Variants in AHCYL2 observed in about 807,000 individuals in gnomAD.
The protein encoded by AHCYL2 is adenosylhomocysteinase like 2, also known as S-adenosylhomocysteine hydrolase-like protein 2.
A neutral mutation model predicts 81.4 loss-of-function variants in AHCYL2; 28 were observed. The observed-to-expected ratio is 0.34, with a 90% CI of 0.25 to 0.47. The LOEUF is 0.47. Ranked by LOEUF, AHCYL2 falls within the 20% of genes least tolerant of loss-of-function variation. The probability of loss-of-function intolerance (pLI) is 1.00; values close to 1 mark genes in which losing one functional copy is unlikely to be tolerated. For synonymous variants in AHCYL2, 272 were observed against 290.2 expected, an observed-to-expected ratio of 0.94 and a Z score of 0.64; for missense variants, 551 against 785.1, an observed-to-expected ratio of 0.70 and a Z score of 3.56.
Position 129,426,619 on chromosome 7 carries a change from C to T in AHCYL2, c.1829+56C>T, listed in dbSNP as rs1797376928. 1 of 1,582,938 alleles carries T rather than the reference C, an allele frequency of 6.3e-7. No individual in the cohort carries two copies. The highest frequency in any genetic ancestry group is 2.2e-5 in the East Asian group (1 of 44,712). Reference sequence around the variant, plus strand: ...CCTGGGCAGTGATGAGCTTCCTGCACTGGAATTGGTCTTTGCATCCCCAAC... The same window carrying T: ...CCTGGGCAGTGATGAGCTTCCTGCATTGGAATTGGTCTTTGCATCCCCAAC... On this transcript the variant is annotated intron_variant, in intron 16 of 16. Coordinates refer to ENST00000325006, the MANE Select transcript of AHCYL2 (RefSeq NM_015328.4). This position sits in a 1 kb window ranked among gnomAD's most constrained non-coding sequence, Gnocchi z 4.3.
chr7:129,430,043 A>G lies in AHCYL2; in HGVS notation c.*2998A>G, dbSNP rs1167620696. 6.6e-6 allele frequency: 1 copy of G among 151,178 alleles called. No individual in the cohort carries two copies. Among genetic ancestry groups the G allele is most frequent in the Non-Finnish European group, 1.5e-5 (1 of 67,786 alleles). The allele number at this position is 151,178 out of a possible 1,614,324, so 9.4% of individuals were successfully genotyped here. ...TACATATATATATATATATCTATAT[A>G]TCTATATACGTAATCATCTAGTTCT... On this transcript the variant is annotated 3_prime_UTR_variant, in exon 17 of 17. Coordinates refer to ENST00000325006, the MANE Select transcript of AHCYL2 (RefSeq NM_015328.4).
At chr7:129,314,580 A>G (rs1797770086) in intron 1 of AHCYL2, among the ~76,000 whole-genome samples, 1 of 152,224 alleles carries the variant, frequency 6.6e-6, no homozygotes, top group African/African-American at 2.4e-5. Context: ...ATGTCCTTGC[A>G]TAGTGGAAGG....
chr7:129,352,109 T>C (rs1793588098), intron 1 of AHCYL2, among the ~76,000 whole-genome samples: 1 of 152,156 alleles, frequency 6.6e-6, no homozygotes, highest in South Asian at 2.1e-4. Flanking sequence ...ATATAATGGT[T>C]GTCTTGAGGG....
Position 129,232,060 on chromosome 7 carries a change from C to T in AHCYL2, c.363+6621C>T, listed in dbSNP as rs948003841. 1.1e-4 allele frequency among the ~76,000 whole-genome samples: 17 copies of T among 152,176 alleles called. No homozygotes were observed. In the South Asian group the frequency reaches 3.1e-3, roughly 28 times the overall value. On this transcript the variant is annotated intron_variant, in intron 1 of 16. Coordinates refer to ENST00000325006, the MANE Select transcript of AHCYL2 (RefSeq NM_015328.4). Reference sequence around the variant, plus strand: ...TGATTGAGTTTCTCTGAGTATAGGACTTTAGCCTTTCTGAATGTTGCAAAC... The same window carrying T: ...TGATTGAGTTTCTCTGAGTATAGGATTTTAGCCTTTCTGAATGTTGCAAAC...
At chr7:129,340,408 A>T (rs926719874) in intron 1 of AHCYL2, among the ~76,000 whole-genome samples, 1 of 151,678 alleles carries the variant, frequency 6.6e-6, no homozygotes, top group African/African-American at 2.4e-5. Flanking sequence ...TCTACTAAAA[A>T]TACAAAAAAA....
Position 129,225,163 on chromosome 7 carries a change from G to T in AHCYL2, c.87G>T (p.Ser29=). The change falls in exon 1 of 17, where the codon TCG becomes TCT. Residue 29 remains serine, a synonymous_variant. Transcript: ENST00000325006. ...ACCTGAGCCCCTCCGAGGCGGAGTC[G>T]CAACTAGGACTGAGCACGGCCGCCG... ...LKDLSPSEAE[S]QLGLSTAAVG... The T allele has an allele frequency of 1.9e-6, 3 of 1,596,964 alleles. No homozygotes were observed. The highest frequency in any genetic ancestry group is 1.7e-6 in the Non-Finnish European group (2 of 1,174,190).
intron 1 of AHCYL2, among the ~76,000 whole-genome samples, chr7:129,321,743 G>GTTTTTTTTTTT: frequency 1.3e-3 from 101 of 77,576 alleles, no homozygotes; most frequent in Middle Eastern, 9.6e-3. Flanking sequence ...TTCTTTCTTT[G>GTTTTTTTTTTT]TTTTTTTTTT....
chr7:129,234,475 C>T (rs974400425), intron 1 of AHCYL2, among the ~76,000 whole-genome samples: 38 of 152,118 alleles, frequency 2.5e-4, no homozygotes, highest in African/African-American at 8.5e-4. Flanking sequence ...GAACTCCTGA[C>T]CTTGTGATCT....
intron 1 of AHCYL2, among the ~76,000 whole-genome samples, chr7:129,230,079 C>CTTT (rs35056717): frequency 3.0e-3 from 331 of 109,392 alleles, no homozygotes; most frequent in African/African-American, 4.3e-3. Context: ...TTATTTAATT[C>CTTT]TTTTTTTTTT....
intron 12 of AHCYL2, among the ~76,000 whole-genome samples, 156 bp from the exon 13 acceptor site, chr7:129,422,684 A>G (rs921177855): frequency 2.6e-5 from 4 of 152,190 alleles, no homozygotes; most frequent in African/African-American, 7.2e-5. Context: ...ATTCCCTGAA[A>G]TGGAACAGTC....
intron 1 of AHCYL2, among the ~76,000 whole-genome samples, chr7:129,281,488 G>GA: frequency 7.8e-6 from 1 of 128,058 alleles, no homozygotes; most frequent in Non-Finnish European, 1.6e-5. Flanking sequence ...TCTGTTTCTA[G>GA]ATTTTTTTTT....
At chr7:129,356,618 T>A (rs1368741849) in intron 1 of AHCYL2, among the ~76,000 whole-genome samples, 2 of 152,208 alleles carry the variant, frequency 1.3e-5, no homozygotes, top group African/African-American at 2.4e-5. Context: ...TACCACACAT[T>A]TCTTTTTTTC....
At chr7:129,245,124 A>C (rs1478266136) in intron 1 of AHCYL2, among the ~76,000 whole-genome samples, 1 of 150,574 alleles carries the variant, frequency 6.6e-6, no homozygotes. Context: ...TCCTGGGCTC[A>C]AGTGATTCTC....
intron 1 of AHCYL2, among the ~76,000 whole-genome samples, chr7:129,249,486 C>T (rs535023714): frequency 5.3e-5 from 8 of 151,978 alleles, no homozygotes; most frequent in East Asian, 1.9e-4. Flanking sequence ...ACTGCAGTGG[C>T]GCAATCTCGG....
At chr7:129,234,107 G>A (rs1794548954) in intron 1 of AHCYL2, among the ~76,000 whole-genome samples, 1 of 152,040 alleles carries the variant, frequency 6.6e-6, no homozygotes, top group Non-Finnish European at 1.5e-5. Context: ...CAGGAGTGCA[G>A]TGGTGTGGTC....
chr7:129,304,736 T>C (rs750324509), intron 1 of AHCYL2, among the ~76,000 whole-genome samples: 2 of 150,832 alleles, frequency 1.3e-5, no homozygotes, highest in African/African-American at 2.4e-5. Context: ...ATATGGAATA[T>C]TTTTTTTCAT....
At chr7:129,340,011 C>T (rs1258730904) in intron 1 of AHCYL2, among the ~76,000 whole-genome samples, 4 of 150,156 alleles carry the variant, frequency 2.7e-5, no homozygotes, top group South Asian at 4.2e-4. Context: ...CTCCGCCTCC[C>T]GGGTTCACGC....
chr7:129,242,839 G>A (rs142587216), intron 1 of AHCYL2, among the ~76,000 whole-genome samples: 63 of 152,060 alleles, frequency 4.1e-4, no homozygotes, highest in African/African-American at 1.4e-3. Context: ...ATGTGGTGTC[G>A]TCAGACATTA....
chr7:129,247,272 A>G (rs547474961), intron 1 of AHCYL2, among the ~76,000 whole-genome samples: 1 of 152,370 alleles, frequency 6.6e-6, no homozygotes, highest in East Asian at 1.9e-4. Flanking sequence ...CCATCGAAGC[A>G]GTTGTATAGT....
Sources: gnomAD v4.1 joint callset for allele counts (sites outside exome capture counted in the v4.1 genomes callset) on GRCh38, gnomAD v4.1.1 for gene constraint, Gnocchi (gnomAD v3.1) non-coding constraint, MANE v1.5 for transcripts, NCBI Gene and HGNC (gene_info 2026-07-23, HGNC 2026-07-21) for gene names.